RBBP4: variants seen among roughly 807,000 people sequenced by gnomAD.
RBBP4 encodes the protein RB binding protein 4, chromatin remodeling factor, also known as histone-binding protein RBBP4.
In RBBP4, 3 loss-of-function variants were observed where a neutral mutation model predicts 57.2. The ratio of observed to expected loss-of-function variants is 0.05; its 90% confidence interval spans 0.02 to 0.14. RBBP4 has a LOEUF of 0.14. RBBP4 is among the 10% of genes least tolerant of loss of function. RBBP4 has a pLI of 1.00. For synonymous variants in RBBP4, 151 were observed against 171.5 expected (o/e 0.88, Z 0.93); for missense variants, 107 against 520.6 (o/e 0.21, Z 7.73).
At position 32,684,458 on chromosome 1, in the gene RBBP4, C is replaced by T; in HGVS notation, c.*4753C>T. 1 of 1,598,420 alleles carries T rather than the reference C, an allele frequency of 6.3e-7. No individual in the cohort carries two copies. On this transcript the variant is annotated 3_prime_UTR_variant, in exon 12 of 12. Coordinates refer to ENST00000373493, the MANE Select transcript of RBBP4 (RefSeq NM_005610.3). ...ACATTGTCCACTCTTACTTATAAAACACTTTTTTGTTCATTGTTTAATCTT... is the reference window on the plus strand; with the variant it reads ...ACATTGTCCACTCTTACTTATAAAATACTTTTTTGTTCATTGTTTAATCTT...
In RBBP4 at chr1:32,683,661, TCTCA is replaced by T. The variant is rs779357877; in HGVS notation, c.*3960_*3963del. ...GGGTTTTTGTTTTGTTTTGAGGCAG[TCTCA>T]CTCTGTTGTACAAGCTGGAGTGCTG... On this transcript the variant is annotated 3_prime_UTR_variant, in exon 12 of 12. Transcript: ENST00000373493. The T allele has an allele frequency of 9.8e-5, 17 of 173,712 alleles. No individual in the cohort carries two copies. The highest frequency in any genetic ancestry group is 2.4e-4 in the Admixed American group (4 of 16,460). The allele number at this position is 173,712 out of a possible 1,614,324, so 10.8% of individuals were successfully genotyped here. A position where few individuals can be genotyped will look rare whatever the true frequency, so the allele number is the denominator to read the frequency against.
chr1:32,678,254 C>T (rs977961370), intron 11 of RBBP4, among the ~76,000 whole-genome samples: 3 of 152,088 alleles, frequency 2.0e-5, no homozygotes, highest in East Asian at 1.9e-4. Context: ...TTTTTTTAGA[C>T]GAAGTCTTGC....
Position 32,681,540 on chromosome 1 carries a change from T to C in RBBP4, c.*1835T>C. ...CCCAGATGTGTCCATACATTCATCC[T>C]TCACTCAGTGCATATGTGAGGGTTG... is the stretch of plus-strand genomic sequence containing the variant. On this transcript the variant is annotated 3_prime_UTR_variant, in exon 12 of 12. Transcript: ENST00000373493. 1 of 463,696 alleles carries C rather than the reference T, an allele frequency of 2.2e-6. No homozygotes were observed. Among genetic ancestry groups the C allele is most frequent in the Non-Finnish European group, 3.8e-6 (1 of 260,498 alleles). The allele number at this position is 463,696 out of a possible 1,614,324, so 28.7% of individuals were successfully genotyped here.
At chr1:32,678,655 T>A (rs1302903525) in intron 11 of RBBP4, among the ~76,000 whole-genome samples, 1 of 125,428 alleles carries the variant, frequency 8.0e-6, no homozygotes, top group Admixed American at 1.1e-4. Flanking sequence ...AGTGGTGCAA[T>A]CTTGGCTCAC....
At chr1:32,672,072 C>T (rs1415037253) in intron 8 of RBBP4, among the ~76,000 whole-genome samples, 1 of 152,006 alleles carries the variant, frequency 6.6e-6, no homozygotes, top group Non-Finnish European at 1.5e-5. Flanking sequence ...CAGCTCCAAC[C>T]TCTGCTTCCT....
intron 2 of RBBP4, among the ~76,000 whole-genome samples, chr1:32,655,590 G>A (rs1648104997): frequency 6.6e-6 from 1 of 152,042 alleles, no homozygotes; most frequent in African/African-American, 2.4e-5. Context: ...GATATCTTTA[G>A]ACCTCACTTC....
At chr1:32,672,415 C>A (rs1648918223) in intron 8 of RBBP4, 35 bp from the exon 9 acceptor site, 2 of 1,460,686 alleles carry the variant, frequency 1.4e-6, no homozygotes, top group African/African-American at 2.9e-5. Context: ...TTTTCTAATT[C>A]ATGGCTTTGC....
intron 2 of RBBP4, among the ~76,000 whole-genome samples, chr1:32,654,947 G>A (rs1171605364): frequency 3.3e-5 from 5 of 152,152 alleles, no homozygotes; most frequent in South Asian, 2.1e-4. Flanking sequence ...CACCCGCTTC[G>A]GCCTCCCAAA....
At chr1:32,654,697 T>G in intron 2 of RBBP4, among the ~76,000 whole-genome samples, 1 of 152,294 alleles carries the variant, frequency 6.6e-6, no homozygotes, top group East Asian at 1.9e-4. Context: ...GTTGTTGTTG[T>G]TGTTTTGAGA....
chr1:32,684,413 G>A lies in RBBP4; in HGVS notation c.*4708G>A, dbSNP rs779797814. The stretch of plus-strand genomic sequence containing the variant: ...TGAGATGGCCAAGAACATTTCTAAT[G>A]AGCCAAACAATAAAAACTCACATTG... On this transcript the variant is annotated 3_prime_UTR_variant, in exon 12 of 12. Transcript: ENST00000373493. The A allele has an allele frequency of 1.2e-5, 20 of 1,613,332 alleles. No homozygotes were observed. Among genetic ancestry groups the A allele is most frequent in the Non-Finnish European group, 1.7e-5 (20 of 1,179,720 alleles).
chr1:32,656,266 C>T (rs11807379), intron 2 of RBBP4, among the ~76,000 whole-genome samples: 10,957 of 152,192 alleles, frequency 0.072, 1,315 homozygotes, highest in African/African-American at 0.25. Context: ...ACGATCTCTG[C>T]TCACTGCAGC....
chr1:32,669,426 CT>C lies in RBBP4; in HGVS notation c.889-58del. On this transcript the variant is annotated intron_variant, in intron 7 of 11. Transcript: ENST00000373493. The surrounding 1 kb of genome is among the most constrained non-coding windows in gnomAD (Gnocchi z 4.9). Reference sequence around the variant, plus strand: ...TTTTTTGAATTGCAGAGATATTTTACTTACAGTATTTTTTTTTTCTTAAAAA... The same window carrying C: ...TTTTTTGAATTGCAGAGATATTTTACTACAGTATTTTTTTTTTCTTAAAAA... 6.4e-7 allele frequency: 1 copy of C among 1,566,934 alleles called. No homozygotes were observed. The highest frequency in any genetic ancestry group is 2.2e-4 in the Middle Eastern group (1 of 4,446).
chr1:32,665,904 A>G (rs960438606), intron 3 of RBBP4, among the ~76,000 whole-genome samples: 5 of 152,138 alleles, frequency 3.3e-5, no homozygotes. Flanking sequence ...GCTGCCTTCT[A>G]TTATTCTTTG....
chr1:32,651,267 A>T lies in RBBP4; in HGVS notation c.-40A>T. 1 of 1,507,150 alleles carries T rather than the reference A, an allele frequency of 6.6e-7. No homozygotes were observed. Among genetic ancestry groups the T allele is most frequent in the Non-Finnish European group, 8.9e-7 (1 of 1,128,292 alleles). 93.4% of individuals were successfully genotyped at this position (1,507,150 alleles called of 1,614,324 possible). A position where few individuals can be genotyped will look rare whatever the true frequency, so the allele number is the denominator to read the frequency against. On this transcript the variant is annotated 5_prime_UTR_variant, in exon 1 of 12. Transcript: ENST00000373493. Reference sequence around the variant, plus strand: ...CTTGCAGCCTCCCCGCCCCTCCCGCAACGCTCGACCCCAGGATTCCCCCGG... The same window carrying T: ...CTTGCAGCCTCCCCGCCCCTCCCGCTACGCTCGACCCCAGGATTCCCCCGG...
chr1:32,681,914 T>C lies in RBBP4; in HGVS notation c.*2209T>C. On this transcript the variant is annotated 3_prime_UTR_variant, in exon 12 of 12. Coordinates refer to ENST00000373493, the MANE Select transcript of RBBP4 (RefSeq NM_005610.3). ...CAGTGAACTTCTGAGGTTTAGTTAC[T>C]GCAGGCTTTGTTGAGAAGAGATTGT... The C allele has an allele frequency of 6.7e-7, 1 of 1,494,306 alleles. No individual in the cohort carries two copies. The highest frequency in any genetic ancestry group is 9.3e-7 in the Non-Finnish European group (1 of 1,071,494). 92.6% of individuals were successfully genotyped at this position (1,494,306 alleles called of 1,614,324 possible). A position where few individuals can be genotyped will look rare whatever the true frequency, so the allele number is the denominator to read the frequency against.
intron 1 of RBBP4, 21 bp from the exon 2 acceptor site, chr1:32,651,893 A>G (rs1416831756): frequency 1.2e-6 from 2 of 1,612,358 alleles, no homozygotes; most frequent in Admixed American, 3.3e-5. Flanking sequence ...GCTAACTTAA[A>G]TTTGTTTTTA....
intron 8 of RBBP4, among the ~76,000 whole-genome samples, chr1:32,670,444 C>T (rs1391642619): frequency 6.6e-6 from 1 of 152,110 alleles, no homozygotes; most frequent in Non-Finnish European, 1.5e-5. Flanking sequence ...GGTTATCGCC[C>T]AGGTCTGATT....
rs371699415 is a variant in RBBP4 at position 32,672,534 on chromosome 1, T to C, written c.1043+8T>C. The C allele has an allele frequency of 2.0e-4, 317 of 1,602,564 alleles. No individual in the cohort carries two copies. The highest frequency in any genetic ancestry group is 2.5e-4 in the Non-Finnish European group (293 of 1,169,718). ...GAATGTCTGGGATTTAAGGTAATTCTTGTATTCATTCCTCTCTCTACATAA... is the reference window on the plus strand; with the variant it reads ...GAATGTCTGGGATTTAAGGTAATTCCTGTATTCATTCCTCTCTCTACATAA... On this transcript the variant is annotated splice_region_variant and intron_variant, in intron 9 of 11. Coordinates refer to ENST00000373493, the MANE Select transcript of RBBP4 (RefSeq NM_005610.3).
At chr1:32,676,124 G>T (rs1649092560) in intron 11 of RBBP4, among the ~76,000 whole-genome samples, 1 of 152,112 alleles carries the variant, frequency 6.6e-6, no homozygotes. Context: ...ACAGTGGGCT[G>T]TGATCACACC....
Sources: allele counts gnomAD v4.1 joint callset (sites outside exome capture counted in the v4.1 genomes callset), GRCh38; gene constraint gnomAD v4.1.1; non-coding constraint Gnocchi (gnomAD v3.1); transcripts MANE v1.5; gene names NCBI Gene and HGNC (gene_info 2026-07-23, HGNC 2026-07-21).